CSMD2: variants seen among roughly 807,000 people sequenced by gnomAD.
CSMD2 encodes the protein CUB and sushi domain-containing protein 2.
A neutral mutation model predicts 398.5 loss-of-function variants in CSMD2; 130 were observed. The ratio of observed to expected loss-of-function variants is 0.33; its 90% CI spans 0.28 to 0.38. The LOEUF is 0.38. Ranked by LOEUF, CSMD2 falls within the 10% of genes least tolerant of loss-of-function variation. The pLI, the probability that CSMD2 is intolerant of heterozygous loss-of-function variation, is 1.00. For missense variants in CSMD2, 3,829 were observed against 4,764.9 expected, an observed-to-expected ratio of 0.80 and a Z score of 5.78; for synonymous variants, 1,828 against 1,908.5, an observed-to-expected ratio of 0.96 and a Z score of 1.10.
chr1:33,747,596 G>A (rs563118300), intron 13 of CSMD2, among the ~76,000 whole-genome samples: 1 of 152,292 alleles, frequency 6.6e-6, no homozygotes, highest in South Asian at 2.1e-4. Context: ...CATGGGGTAG[G>A]GGGGTTGTAA....
chr1:33,635,425 G>A lies in CSMD2; in HGVS notation c.4970-95C>T, dbSNP rs1233873059. ...GCCCCAGCCTGAGCTTCTGGCCCCA[G>A]TAGGGCTGCCCTGAGGTGGGCAGGC... is the stretch of plus-strand genomic sequence containing the variant. On this transcript the variant is annotated intron_variant, in intron 30 of 70. Transcript: ENST00000373381. The surrounding 1 kb of genome is among the most constrained non-coding windows in gnomAD (Gnocchi z 5.0). 3 of 746,330 alleles carry A rather than the reference G, an allele frequency of 4.0e-6. No individual in the cohort carries two copies. The highest frequency in any genetic ancestry group is 6.8e-6 in the Non-Finnish European group (3 of 444,296). 46.2% of individuals were successfully genotyped at this position (746,330 alleles called of 1,614,324 possible).
chr1:34,040,197 A>C (rs1242917908), intron 2 of CSMD2, among the ~76,000 whole-genome samples: 1 of 106,200 alleles, frequency 9.4e-6, no homozygotes, highest in Non-Finnish European at 2.1e-5. Flanking sequence ...ACTCAAAAAA[A>C]AAATTAAATT....
intron 12 of CSMD2, among the ~76,000 whole-genome samples, chr1:33,785,933 G>A (rs1388653351): frequency 6.6e-6 from 1 of 152,068 alleles, no homozygotes; most frequent in Non-Finnish European, 1.5e-5. Flanking sequence ...ATAAACATTC[G>A]GGGGCCATCA....
intron 4 of CSMD2, among the ~76,000 whole-genome samples, chr1:33,920,049 G>C (rs893555305): frequency 2.6e-5 from 4 of 152,150 alleles, no homozygotes; most frequent in African/African-American, 9.7e-5. Flanking sequence ...GTTGGGAGTG[G>C]GGGTGTGGAT....
intron 6 of CSMD2, among the ~76,000 whole-genome samples, chr1:33,829,432 G>A (rs1400626129): frequency 6.6e-6 from 1 of 152,102 alleles, no homozygotes; most frequent in African/African-American, 2.4e-5. Context: ...GGGTACATGT[G>A]CACAACGTGC....
intron 3 of CSMD2, among the ~76,000 whole-genome samples, chr1:33,985,323 G>A (rs1244197887): frequency 6.6e-6 from 1 of 152,190 alleles, no homozygotes; most frequent in Non-Finnish European, 1.5e-5. Flanking sequence ...AGAGTGAGAG[G>A]GAAACTGTGA....
intron 8 of CSMD2, among the ~76,000 whole-genome samples, 196 bp downstream of exon 8, chr1:33,820,273 C>T (rs12066051): frequency 2.0e-5 from 3 of 152,126 alleles, no homozygotes; most frequent in East Asian, 3.9e-4. Flanking sequence ...TCTCTCCCCC[C>T]ACTAAAGCAT....
intron 25 of CSMD2, among the ~76,000 whole-genome samples, chr1:33,684,232 T>A (rs1029376370): frequency 2.0e-5 from 3 of 152,242 alleles, no homozygotes; most frequent in Non-Finnish European, 4.4e-5. Context: ...TGCCCGCCAA[T>A]GCCTGCTGCA....
chr1:33,656,359 TA>T (rs1327898069), intron 27 of CSMD2, among the ~76,000 whole-genome samples: 2 of 152,160 alleles, frequency 1.3e-5, no homozygotes, highest in African/African-American at 4.8e-5. Flanking sequence ...TCTACTTCAG[TA>T]TCCCATACTG....
At chr1:34,126,931 AAAGAACAGGCAGT>A (rs1334943860) in intron 1 of CSMD2, among the ~76,000 whole-genome samples, 4 of 152,082 alleles carry the variant, frequency 2.6e-5, no homozygotes, top group African/African-American at 9.7e-5. Context: ...GACTCAAAGA[AAAGAACAGGCAGT>A]AAGAGAGATG....
intron 3 of CSMD2, among the ~76,000 whole-genome samples, chr1:34,002,928 G>A (rs975499770): frequency 1.3e-5 from 2 of 152,220 alleles, no homozygotes; most frequent in African/African-American, 4.8e-5. Flanking sequence ...ATGAGCCCTG[G>A]ATCTGCAGTG....
chr1:33,657,635 C>T (rs1643989041), intron 27 of CSMD2, among the ~76,000 whole-genome samples: 1 of 152,146 alleles, frequency 6.6e-6, no homozygotes, highest in African/African-American at 2.4e-5. Context: ...CCCAAGATGA[C>T]CCACTGTCCT....
chr1:33,643,067 T>C (rs1478616786), intron 29 of CSMD2, among the ~76,000 whole-genome samples: 1 of 152,118 alleles, frequency 6.6e-6, no homozygotes, highest in East Asian at 1.9e-4. Context: ...ATACCCAGAC[T>C]CTCAGTTTTA....
At position 33,527,254 on chromosome 1, in the gene CSMD2, G is replaced by C. The variant is rs1248393514; in HGVS notation, c.10176C>G (p.Val3392=). The C allele has an allele frequency of 5.0e-6, 8 of 1,612,676 alleles. No individual in the cohort carries two copies. The highest frequency in any genetic ancestry group is 6.8e-6 in the Non-Finnish European group (8 of 1,179,310). The change falls in exon 65 of 71, where the codon GTC becomes GTG. Residue 3392 remains valine (V), a synonymous_variant. Transcript: ENST00000373381. ...WTGKPPICLE[V]RPSGRPINTA... is the part of the protein sequence containing the mutation. ...TGTTGATGGGTCTCCCACTGGGCCG[G>C]ACCTCTGCTGGGGAAAAAGAGTGGA...
At chr1:33,854,060 C>G (rs1234064890) in intron 5 of CSMD2, among the ~76,000 whole-genome samples, 2 of 152,210 alleles carry the variant, frequency 1.3e-5, no homozygotes, top group African/African-American at 4.8e-5. Flanking sequence ...GCCAAATTCT[C>G]TCTCCCAATC....
chr1:33,756,643 T>C (rs904842238), intron 13 of CSMD2, among the ~76,000 whole-genome samples: 17 of 152,086 alleles, frequency 1.1e-4, no homozygotes, highest in African/African-American at 3.6e-4. Context: ...GCATGGTAGG[T>C]AGAAGCAGGG....
intron 3 of CSMD2, among the ~76,000 whole-genome samples, chr1:33,986,495 G>A (rs1018570720): frequency 2.3e-4 from 35 of 152,268 alleles, no homozygotes; most frequent in African/African-American, 7.0e-4. Context: ...GTGACAGAGC[G>A]AGTAGGTAGA....
chr1:33,602,978 T>C (rs899684342), intron 42 of CSMD2, among the ~76,000 whole-genome samples: 1 of 152,216 alleles, frequency 6.6e-6, no homozygotes, highest in Non-Finnish European at 1.5e-5. Context: ...TCTAGAGTGG[T>C]ACTTGTGGTC....
chr1:33,637,816 G>A (rs139609309), intron 29 of CSMD2, among the ~76,000 whole-genome samples: 96 of 152,234 alleles, frequency 6.3e-4, no homozygotes, highest in Middle Eastern at 3.4e-3. Flanking sequence ...TTCAAAGAGT[G>A]GAGTTAAGGA....
Sources: allele counts gnomAD v4.1 joint callset (sites outside exome capture counted in the v4.1 genomes callset), GRCh38; gene constraint gnomAD v4.1.1; non-coding constraint Gnocchi (gnomAD v3.1); transcripts MANE v1.5; gene names NCBI Gene and HGNC (gene_info 2026-07-23, HGNC 2026-07-21).